ZNF346: variants seen among roughly 807,000 people sequenced by gnomAD.
The protein encoded by ZNF346 is zinc finger protein 346.
In ZNF346, 23 loss-of-function variants were observed where a neutral mutation model predicts 33.7. The observed-to-expected ratio is 0.68, with a 90% CI of 0.49 to 0.97. The LOEUF (loss-of-function observed/expected upper bound fraction) is 0.97. Among genes scored for constraint, ZNF346 ranks in the 50% least tolerant of loss-of-function variants. The pLI is 0.00. For synonymous variants in ZNF346, 134 were observed against 142.4 expected, an observed-to-expected ratio of 0.94 and a Z score of 0.42; for missense variants, 340 against 371.1, an observed-to-expected ratio of 0.92 and a Z score of 0.69.
chr5:177,050,520 G>C (rs1311973940), intron 4 of ZNF346, among the ~76,000 whole-genome samples: 1 of 152,114 alleles, frequency 6.6e-6, no homozygotes, highest in East Asian at 1.9e-4. Context: ...GCCAGTCTTT[G>C]GGCTCCCTCA....
intron 1 of ZNF346, among the ~76,000 whole-genome samples, chr5:177,029,723 G>A (rs1286889737): frequency 6.6e-6 from 1 of 152,198 alleles, no homozygotes; most frequent in Non-Finnish European, 1.5e-5. Flanking sequence ...ACATTCACAC[G>A]CTTGCTGGGT....
chr5:177,063,495 C>T (rs1385610073), intron 6 of ZNF346, among the ~76,000 whole-genome samples: 9 of 152,082 alleles, frequency 5.9e-5, no homozygotes, highest in Non-Finnish European at 1.3e-4. Context: ...TGAGTTGCCC[C>T]AGCAACTCAG....
chr5:177,029,843 GA>G (rs1777410433), intron 1 of ZNF346, among the ~76,000 whole-genome samples: 1 of 152,184 alleles, frequency 6.6e-6, no homozygotes, highest in Non-Finnish European at 1.5e-5. Context: ...CGGTTGGTCA[GA>G]AAAACAGGTG....
chr5:177,033,605 G>A (rs1346163413), intron 1 of ZNF346, among the ~76,000 whole-genome samples: 1 of 152,052 alleles, frequency 6.6e-6, no homozygotes, highest in Admixed American at 6.6e-5. Flanking sequence ...CTCACTGCAA[G>A]CTCCGCCTCC....
At chr5:177,024,945 C>T (rs1467280431) in intron 1 of ZNF346, among the ~76,000 whole-genome samples, 2 of 152,206 alleles carry the variant, frequency 1.3e-5, no homozygotes, top group Admixed American at 1.3e-4. Flanking sequence ...CCTTTTTCTA[C>T]TCTTAGCACC....
In ZNF346 at chr5:177,032,127, C is replaced by T. The variant is rs551126642; in HGVS notation, c.176-8999C>T. Among the ~76,000 whole-genome samples the T allele has an allele frequency of 3.3e-5, 5 of 149,872 alleles. No homozygotes were observed. In the South Asian group the frequency reaches 1.1e-3, roughly 32 times the overall value. On this transcript the variant is annotated intron_variant, in intron 1 of 6. Coordinates refer to ENST00000358149, the MANE Select transcript of ZNF346 (RefSeq NM_012279.4). The stretch of plus-strand genomic sequence containing the variant: ...AAGCAATTCTCCTGCCTCAGCCTCC[C>T]GAGTAACTGGGATTATAGGTATGCG...
At chr5:177,041,046 G>T in intron 1 of ZNF346, 80 bp from the exon 2 acceptor site, 1 of 1,083,058 alleles carries the variant, frequency 9.2e-7, no homozygotes, top group South Asian at 1.3e-5. Context: ...TTCAGTGCCT[G>T]TGTTTGAGGC....
intron 4 of ZNF346, among the ~76,000 whole-genome samples, chr5:177,048,984 C>G (rs754852490): frequency 8.8e-4 from 133 of 151,976 alleles, no homozygotes; most frequent in Non-Finnish European, 1.2e-3. Context: ...CTGAGTTTCA[C>G]CATGTTGGCC....
chr5:177,044,595 A>C (rs1779792852), intron 4 of ZNF346, 62 bp downstream of exon 4: 1 of 1,557,956 alleles, frequency 6.4e-7, no homozygotes, highest in Non-Finnish European at 8.8e-7. Flanking sequence ...CACTACTGCC[A>C]GGGGCTCACA....
intron 5 of ZNF346, among the ~76,000 whole-genome samples, chr5:177,052,109 G>A (rs1202673626): frequency 6.6e-6 from 1 of 152,078 alleles, no homozygotes; most frequent in East Asian, 1.9e-4. Flanking sequence ...AGGCTAAAGT[G>A]AGATATGATT....
At chr5:177,075,116 T>C (rs1446586032) in intron 8 of ZNF346, among the ~76,000 whole-genome samples, 2 of 147,702 alleles carry the variant, frequency 1.4e-5, no homozygotes, top group Non-Finnish European at 3.0e-5. Context: ...ATATCTACAT[T>C]TTGGCCGGGC....
At chr5:177,029,173 A>G (rs1199815861) in intron 1 of ZNF346, among the ~76,000 whole-genome samples, 1 of 152,168 alleles carries the variant, frequency 6.6e-6, no homozygotes, top group Non-Finnish European at 1.5e-5. Context: ...TTGAGAGGGT[A>G]GAAAGGAGCT....
At chr5:177,072,086 G>T (rs1215866842), downstream of ZNF346, among the ~76,000 whole-genome samples, 1 of 152,188 alleles carries the variant, frequency 6.6e-6, no homozygotes, top group Non-Finnish European at 1.5e-5. Context: ...GATTTAATGG[G>T]AAGAGAACAG....
At chr5:177,050,512 C>T (rs1340819440) in intron 4 of ZNF346, among the ~76,000 whole-genome samples, 2 of 152,146 alleles carry the variant, frequency 1.3e-5, no homozygotes, top group Non-Finnish European at 2.9e-5. Flanking sequence ...ATGAAATAGC[C>T]AGTCTTTGGG....
intron 1 of ZNF346, among the ~76,000 whole-genome samples, chr5:177,037,320 A>C (rs1054319372): frequency 5.9e-5 from 9 of 152,172 alleles, no homozygotes. Context: ...CACAGTGTTC[A>C]ATATGATTGA....
intron 1 of ZNF346, among the ~76,000 whole-genome samples, chr5:177,027,729 G>A (rs1581780482): frequency 6.6e-6 from 1 of 150,898 alleles, no homozygotes; most frequent in Non-Finnish European, 1.5e-5. Context: ...GAGTGCAGTG[G>A]CACAATCATA....
intron 1 of ZNF346, among the ~76,000 whole-genome samples, chr5:177,024,404 G>A (rs966778673): frequency 2.6e-5 from 4 of 151,876 alleles, no homozygotes; most frequent in Admixed American, 6.6e-5. Flanking sequence ...CACCATGTTG[G>A]CCAGGCTGTT....
At chr5:177,047,340 GTTTT>G (rs113091804) in intron 4 of ZNF346, among the ~76,000 whole-genome samples, 2 of 137,364 alleles carry the variant, frequency 1.5e-5, no homozygotes, top group Non-Finnish European at 3.2e-5. Flanking sequence ...TTTGTTTTTT[GTTTT>G]TTTTTTTTTT....
intron 4 of ZNF346, among the ~76,000 whole-genome samples, chr5:177,047,661 A>C (rs1021428070): frequency 6.6e-6 from 1 of 151,946 alleles, no homozygotes; most frequent in Non-Finnish European, 1.5e-5. Context: ...ACCTGCCACC[A>C]CGCCCAGTTA....
Sources: allele counts gnomAD v4.1 joint callset (sites outside exome capture counted in the v4.1 genomes callset), GRCh38; gene constraint gnomAD v4.1.1; transcripts MANE v1.5; gene names NCBI Gene and HGNC (gene_info 2026-07-23, HGNC 2026-07-21).